The following ROBO2 variants were observed in gnomAD, a reference collection of about 807,000 sequenced individuals.
The protein encoded by ROBO2 is roundabout guidance receptor 2.
A neutral mutation model predicts 160.8 loss-of-function variants in ROBO2; 53 were observed. That is an observed-to-expected ratio of 0.33 (90% confidence interval 0.26 to 0.41). The LOEUF is 0.41. Among genes scored for constraint, ROBO2 ranks in the 10% least tolerant of loss-of-function variants. ROBO2 has a pLI of 1.00. For missense variants in ROBO2, 1,577 were observed against 1,722.4 expected (o/e 0.92, Z 1.49); for synonymous variants, 664 against 611.7 (o/e 1.09, Z -1.26).
chr3:76,019,841 T>C (rs970477168), intron 2 of ROBO2, among the ~76,000 whole-genome samples: 4 of 151,868 alleles, frequency 2.6e-5, no homozygotes, highest in African/African-American at 9.7e-5. Flanking sequence ...CTGAGAATAC[T>C]GTGTGTTCCT....
intron 2 of ROBO2, among the ~76,000 whole-genome samples, chr3:76,342,383 G>A (rs1227769508): frequency 6.6e-6 from 1 of 152,082 alleles, no homozygotes; most frequent in Non-Finnish European, 1.5e-5. Context: ...ATGCCTGAGT[G>A]TTTCAATCCC....
At chr3:76,270,428 C>T (rs1207661781) in intron 2 of ROBO2, among the ~76,000 whole-genome samples, 2 of 151,908 alleles carry the variant, frequency 1.3e-5, no homozygotes, top group African/African-American at 4.8e-5. Flanking sequence ...GTATAATTCC[C>T]CATATTCTAG....
chr3:76,310,363 G>A (rs2071521420), intron 2 of ROBO2, among the ~76,000 whole-genome samples: 1 of 152,086 alleles, frequency 6.6e-6, no homozygotes, highest in Non-Finnish European at 1.5e-5. Flanking sequence ...CGTCTATGTT[G>A]GTATTTCCAA....
chr3:77,090,213 G>A (rs1193749431), intron 1 of ROBO2, among the ~76,000 whole-genome samples: 1 of 150,852 alleles, frequency 6.6e-6, no homozygotes, highest in Non-Finnish European at 1.5e-5. Flanking sequence ...AAAGTTTAGA[G>A]TTGGAGTATT....
rs150426390 is a variant in ROBO2, at chr3:76,924,077, G to C, written c.110-173937G>C. On this transcript the variant is annotated intron_variant, in intron 2 of 26. Coordinates refer to the ROBO2 transcript ENST00000487694. ...GAATAAACTGCTTAAGAATTTGAGC[G>C]ACAGTATGTAGACCATCAAGTTGTA... Among the ~76,000 whole-genome samples, 32 of 152,220 alleles carry C rather than the reference G, an allele frequency of 2.1e-4. 1 individual carries two copies. Among genetic ancestry groups the C allele is most frequent in the African/African-American group, 7.5e-4 (31 of 41,518 alleles).
intron 6 of ROBO2, chr3:77,538,990 T>C: frequency 2.4e-6 from 1 of 408,358 alleles, no homozygotes; most frequent in South Asian, 1.8e-5. Context: ...CAATCTCGGC[T>C]CACTGCAAGC....
intron 1 of ROBO2, among the ~76,000 whole-genome samples, chr3:77,062,622 A>G (rs2066435955): frequency 6.6e-6 from 1 of 152,170 alleles, no homozygotes; most frequent in African/African-American, 2.4e-5. Flanking sequence ...AGCTTATGAA[A>G]AAACAACTTA....
chr3:76,244,331 C>T (rs1157126974), intron 2 of ROBO2, among the ~76,000 whole-genome samples: 2 of 152,130 alleles, frequency 1.3e-5, no homozygotes, highest in Non-Finnish European at 1.5e-5. Flanking sequence ...TGCTATGTCC[C>T]CTTTCTGGGT....
intron 2 of ROBO2, among the ~76,000 whole-genome samples, chr3:77,313,031 T>C (rs941902996): frequency 6.6e-6 from 1 of 152,186 alleles, no homozygotes; most frequent in African/African-American, 2.4e-5. Context: ...GTTGCATCCA[T>C]AAAAGAAAAT....
intron 2 of ROBO2, among the ~76,000 whole-genome samples, chr3:76,216,107 T>C (rs560392346): frequency 3.7e-4 from 56 of 152,274 alleles, no homozygotes; most frequent in African/African-American, 1.2e-3. Flanking sequence ...GACAAGCAAA[T>C]GCTGAGAGAT....
chr3:76,378,477 G>A (rs918769717), intron 2 of ROBO2, among the ~76,000 whole-genome samples: 13 of 152,104 alleles, frequency 8.5e-5, no homozygotes, highest in Admixed American at 7.2e-4. Flanking sequence ...AACGTTCGAC[G>A]AGTAGGAGAT....
chr3:76,934,562 T>C (rs1003139910), intron 2 of ROBO2, among the ~76,000 whole-genome samples: 3 of 151,896 alleles, frequency 2.0e-5, no homozygotes, highest in Non-Finnish European at 2.9e-5. Flanking sequence ...CTGGACAACA[T>C]GATGAAACCT....
intron 2 of ROBO2, among the ~76,000 whole-genome samples, chr3:76,743,304 C>T (rs1187533001): frequency 2.0e-5 from 3 of 151,932 alleles, no homozygotes; most frequent in South Asian, 4.2e-4. Context: ...GTAATGGAGT[C>T]CTAGAGAAAA....
At chr3:76,233,950 T>G (rs1261205553) in intron 2 of ROBO2, among the ~76,000 whole-genome samples, 1 of 152,132 alleles carries the variant, frequency 6.6e-6, no homozygotes, top group Non-Finnish European at 1.5e-5. Flanking sequence ...AATAAGTAGG[T>G]TTTCAATCCT....
At chr3:77,569,248 T>A (rs2093576099) in intron 13 of ROBO2, among the ~76,000 whole-genome samples, 1 of 152,078 alleles carries the variant, frequency 6.6e-6, no homozygotes, top group African/African-American at 2.4e-5. Context: ...AAAGTGGCTA[T>A]AGCATTTTCT....
At chr3:76,667,975 A>G (rs755976866) in intron 2 of ROBO2, among the ~76,000 whole-genome samples, 1 of 152,172 alleles carries the variant, frequency 6.6e-6, no homozygotes, top group Non-Finnish European at 1.5e-5. Context: ...TATCTCAAAA[A>G]TTTGTAAGCC....
At chr3:76,272,971 A>ATATATAATATATATTATATAT (rs1707648767) in intron 2 of ROBO2, among the ~76,000 whole-genome samples, 28 of 19,926 alleles carry the variant, frequency 1.4e-3, no homozygotes, top group Non-Finnish European at 3.5e-3. Flanking sequence ...TTTATATATA[A>ATATATAATATATATTATATAT]AATATATATA....
chr3:76,124,319 A>G (rs925734703), intron 2 of ROBO2, among the ~76,000 whole-genome samples: 2 of 152,064 alleles, frequency 1.3e-5, no homozygotes, highest in Non-Finnish European at 2.9e-5. Flanking sequence ...ACAATGGATT[A>G]TTGAGTTTCA....
chr3:76,590,671 A>G (rs989310787), intron 2 of ROBO2, among the ~76,000 whole-genome samples: 1 of 152,182 alleles, frequency 6.6e-6, no homozygotes, highest in African/African-American at 2.4e-5. Flanking sequence ...TTCTTAGATC[A>G]TAATCTAAGG....
Sources: allele counts gnomAD v4.1 joint callset (sites outside exome capture counted in the v4.1 genomes callset), GRCh38; gene constraint gnomAD v4.1.1; transcripts MANE v1.5; gene names NCBI Gene and HGNC (gene_info 2026-07-23, HGNC 2026-07-21).